CYP7B1: variants seen among roughly 807,000 people sequenced by gnomAD.
CYP7B1 encodes the protein cytochrome P450 family 7 subfamily B member 1.
CYP7B1 carries 29 observed loss-of-function variants against 42.7 expected under a neutral mutation model. The observed-to-expected ratio is 0.68, with a 90% CI of 0.51 to 0.93. The LOEUF (loss-of-function observed/expected upper bound fraction) is 0.93. CYP7B1 is among the 40% of genes least tolerant of loss of function. The pLI is 0.00. For missense variants in CYP7B1, 655 were observed against 600.5 expected (o/e 1.09, Z -0.95); for synonymous variants, 235 against 218.2 (o/e 1.08, Z -0.68).
intron 1 of CYP7B1, among the ~76,000 whole-genome samples, chr8:64,739,042 G>A (rs1291646420): frequency 1.3e-5 from 2 of 152,184 alleles, no homozygotes; most frequent in African/African-American, 2.4e-5. Flanking sequence ...GAGGGAAAGA[G>A]TATTTGTGAA....
intron 1 of CYP7B1, among the ~76,000 whole-genome samples, chr8:64,730,756 C>CACAG (rs993840584): frequency 6.6e-6 from 1 of 150,938 alleles, no homozygotes; most frequent in African/African-American, 2.4e-5. Context: ...TGTCTGCACA[C>CACAG]ACACACACAC....
intron 1 of CYP7B1, among the ~76,000 whole-genome samples, chr8:64,659,280 T>C (rs543208099): frequency 6.6e-6 from 1 of 152,312 alleles, no homozygotes; most frequent in African/African-American, 2.4e-5. Context: ...TGCATATAAG[T>C]GTTTTAATAT....
At position 64,593,341 on chromosome 8, in the gene CYP7B1, G is replaced by A. The variant is rs1805067387; in HGVS notation, c.*3301C>T. On this transcript the variant is annotated 3_prime_UTR_variant, in exon 6 of 6. Coordinates refer to ENST00000310193, the MANE Select transcript of CYP7B1 (RefSeq NM_004820.5). ...CTTGCAAAGACAACATACTCAATAG[G>A]TGAACTAGAAAGAAACTGTGCTCCA... 6.6e-6 allele frequency among the ~76,000 whole-genome samples: 1 copy of A among 150,984 alleles called. No homozygotes were observed. Among genetic ancestry groups the A allele is most frequent in the African/African-American group, 2.4e-5 (1 of 41,126 alleles).
At chr8:64,630,654 A>G (rs758702143) in intron 1 of CYP7B1, among the ~76,000 whole-genome samples, 1 of 152,226 alleles carries the variant, frequency 6.6e-6, no homozygotes, top group Non-Finnish European at 1.5e-5. Flanking sequence ...CAGTTAAGTA[A>G]AACTGCCAAA....
At chr8:64,614,683 A>G (rs1030449999) in intron 4 of CYP7B1, among the ~76,000 whole-genome samples, 6 of 152,200 alleles carry the variant, frequency 3.9e-5, no homozygotes, top group African/African-American at 1.4e-4. Flanking sequence ...TCAATCCCTA[A>G]ATACTTCTTG....
Position 64,798,623 on chromosome 8 carries a change from T to C in CYP7B1, c.-36A>G, listed in dbSNP as rs746070190. On this transcript the variant is annotated 5_prime_UTR_variant, in exon 1 of 6. Coordinates refer to ENST00000310193, the MANE Select transcript of CYP7B1 (RefSeq NM_004820.5). The stretch of plus-strand genomic sequence containing the variant: ...CTAGGCCGCGGTGGGCAGCCCGGGG[T>C]CTGCCTGCGAACAGCGCGGTCGGCG... The C allele has an allele frequency of 7.6e-6, 11 of 1,448,014 alleles. No individual in the cohort carries two copies. In the African/African-American group the frequency reaches 1.3e-4, roughly 18 times the overall value. 89.7% of individuals were successfully genotyped at this position (1,448,014 alleles called of 1,614,324 possible).
intron 5 of CYP7B1, among the ~76,000 whole-genome samples, chr8:64,603,452 C>T (rs1350943073): frequency 6.6e-6 from 1 of 152,046 alleles, no homozygotes; most frequent in Admixed American, 6.5e-5. Context: ...GTGGAATAAT[C>T]ACATAATGAA....
chr8:64,722,484 G>A (rs1291962666), intron 1 of CYP7B1, among the ~76,000 whole-genome samples: 2 of 151,364 alleles, frequency 1.3e-5, no homozygotes, highest in Non-Finnish European at 2.9e-5. Context: ...TTAGACATAA[G>A]GACATTAGCT....
At chr8:64,720,422 A>G (rs1439141880) in intron 1 of CYP7B1, among the ~76,000 whole-genome samples, 3 of 152,196 alleles carry the variant, frequency 2.0e-5, no homozygotes, top group African/African-American at 7.2e-5. Flanking sequence ...TAAAAGAGTA[A>G]TATAACTGGT....
At chr8:64,661,515 G>A (rs1198500434) in intron 1 of CYP7B1, among the ~76,000 whole-genome samples, 2 of 152,172 alleles carry the variant, frequency 1.3e-5, no homozygotes, top group Non-Finnish European at 1.5e-5. Flanking sequence ...AGCCATAGAA[G>A]TTTATCCTAG....
Position 64,624,426 on chromosome 8 carries a change from T to G in CYP7B1, c.236A>C (p.Asp79Ala), listed in dbSNP as rs372624152. 8.1e-6 allele frequency: 13 copies of G among 1,613,536 alleles called. No individual in the cohort carries two copies. The highest frequency in any genetic ancestry group is 1.1e-5 in the Non-Finnish European group (13 of 1,179,928). The change falls in exon 2 of 6, where the codon GAC becomes GCC. Residue 79 changes from aspartate to alanine, a missense_variant. Physicochemically the swap from Asp to Ala is moderately radical, Grantham distance 126 (BLOSUM62 -2). Transcript: ENST00000310193. ...FMKTLQKQHG[D>A]TFTVLLGGKY... Reference sequence around the variant, plus strand: ...ACCACCAAGAAGAACTGTGAAAGTGTCACCATGTTGCTTTTGAAGTGTTTT... The same window carrying G: ...ACCACCAAGAAGAACTGTGAAAGTGGCACCATGTTGCTTTTGAAGTGTTTT...
chr8:64,791,123 C>T (rs372316778), intron 1 of CYP7B1, among the ~76,000 whole-genome samples: 1 of 152,178 alleles, frequency 6.6e-6, no homozygotes. Flanking sequence ...ACCCAGTAAA[C>T]ACCTTGATCT....
At chr8:64,619,314 G>A (rs931672762) in intron 2 of CYP7B1, among the ~76,000 whole-genome samples, 1 of 152,156 alleles carries the variant, frequency 6.6e-6, no homozygotes, top group Non-Finnish European at 1.5e-5. Context: ...GCTCCAGGGT[G>A]ATTTTATGTA....
At chr8:64,608,747 TAA>T (rs1336373358) in intron 4 of CYP7B1, among the ~76,000 whole-genome samples, 1 of 152,184 alleles carries the variant, frequency 6.6e-6, no homozygotes, top group African/African-American at 2.4e-5. Context: ...CATTTCTACA[TAA>T]GTGTCTTCAA....
At chr8:64,739,839 C>A (rs1807543095) in intron 1 of CYP7B1, among the ~76,000 whole-genome samples, 1 of 152,118 alleles carries the variant, frequency 6.6e-6, no homozygotes, top group East Asian at 1.9e-4. Context: ...TGGTAGACTT[C>A]TTTTCATTCA....
chr8:64,610,115 A>G (rs902449987), intron 4 of CYP7B1, among the ~76,000 whole-genome samples: 1 of 152,210 alleles, frequency 6.6e-6, no homozygotes, highest in African/African-American at 2.4e-5. Flanking sequence ...TGATATTTAG[A>G]TCTAAATACA....
Position 64,781,967 on chromosome 8 carries a change from A to G in CYP7B1, c.122+16499T>C, listed in dbSNP as rs1804431563. ...CCTCTTGAACATGAGTGAGGATAAA[A>G]TGAGACAATAGATGCAAAATATCTA... On this transcript the variant is annotated intron_variant, in intron 1 of 5. Coordinates refer to ENST00000310193, the MANE Select transcript of CYP7B1 (RefSeq NM_004820.5). Among the ~76,000 whole-genome samples, 7 of 152,282 alleles carry G rather than the reference A, an allele frequency of 4.6e-5. No homozygotes were observed. In the South Asian group the frequency reaches 1.0e-3, roughly 23 times the overall value.
Position 64,707,549 on chromosome 8 carries a change from C to T in CYP7B1, c.123-83010G>A, listed in dbSNP as rs909127989. On this transcript the variant is annotated intron_variant, in intron 1 of 5. Transcript: ENST00000310193. ...ATGACATGTAATCAAAAGCTAACCA[C>T]TGAAAATGGTATTCACCTGTCATTT... Among the ~76,000 whole-genome samples the T allele has an allele frequency of 2.0e-5, 3 of 152,094 alleles. 1 individual carries two copies. Among genetic ancestry groups the T allele is most frequent in the South Asian group, 4.1e-4 (2 of 4,834 alleles).
At chr8:64,761,673 T>C (rs771194643) in intron 1 of CYP7B1, among the ~76,000 whole-genome samples, 18 of 152,182 alleles carry the variant, frequency 1.2e-4, no homozygotes, top group African/African-American at 1.7e-4. Flanking sequence ...GTAGAAAATA[T>C]GCCTGCTCTC....
Sources: gnomAD v4.1 joint callset for allele counts (sites outside exome capture counted in the v4.1 genomes callset) on GRCh38, gnomAD v4.1.1 for gene constraint, MANE v1.5 for transcripts, NCBI Gene and HGNC (gene_info 2026-07-23, HGNC 2026-07-21) for gene names.